The following WASL variants were observed in gnomAD, a reference collection of about 807,000 sequenced individuals.
WASL encodes the protein actin nucleation-promoting factor WASL.
Under a neutral mutation model 55.5 loss-of-function variants are expected in WASL, and 20 were observed. That is an observed-to-expected ratio of 0.36 (90% confidence interval 0.25 to 0.52). WASL has a LOEUF of 0.52. WASL is among the 20% of genes least tolerant of loss of function. The pLI, the probability that WASL is intolerant of heterozygous loss-of-function variation, is 0.92. For synonymous variants in WASL, 249 were observed against 217.6 expected, an observed-to-expected ratio of 1.14 and a Z score of -1.27; for missense variants, 504 against 622.5, an observed-to-expected ratio of 0.81 and a Z score of 2.03.
At chr7:123,684,812 T>C (rs989525976) in intron 10 of WASL, among the ~76,000 whole-genome samples, 1 of 152,026 alleles carries the variant, frequency 6.6e-6, no homozygotes, top group East Asian at 1.9e-4. Context: ...TTCCTTAATA[T>C]CTATGTGACA....
intron 7 of WASL, 53 bp from the exon 8 acceptor site, chr7:123,694,921 A>G (rs1803468283): frequency 6.4e-7 from 1 of 1,552,648 alleles, no homozygotes; most frequent in African/African-American, 1.4e-5. Flanking sequence ...TTTAAAAAAC[A>G]TAATTTTAAG....
intron 7 of WASL, among the ~76,000 whole-genome samples, chr7:123,695,291 T>A (rs1316622184): frequency 1.3e-5 from 2 of 152,150 alleles, no homozygotes; most frequent in Non-Finnish European, 2.9e-5. Context: ...GTTTGTTGAG[T>A]TAACATTGTA....
chr7:123,693,768 C>T (rs1464764037), intron 8 of WASL, among the ~76,000 whole-genome samples: 1 of 152,100 alleles, frequency 6.6e-6, no homozygotes, highest in African/African-American at 2.4e-5. Flanking sequence ...GAGTTTGAGA[C>T]CAACCTGGCT....
At chr7:123,735,043 C>G (rs1381509188) in intron 1 of WASL, among the ~76,000 whole-genome samples, 11 of 147,406 alleles carry the variant, frequency 7.5e-5, no homozygotes, top group Non-Finnish European at 1.6e-4. Flanking sequence ...TAAATATAAA[C>G]AAACAACCAA....
At position 123,709,180 on chromosome 7, in the gene WASL, T is replaced by C. The variant is rs1803718291; in HGVS notation, c.161A>G (p.Asn54Ser). ...AVVQLYAADR[N>S]CMWSKKCSGV... ...ACTGCACTTCTTTGACCACATACAG[T>C]TCCGATCTGCTGCATATAACTGCAC... is the stretch of plus-strand genomic sequence containing the variant. Residue 54 changes from asparagine to serine, a missense_variant, in exon 2 of 11, where the codon AAC (asparagine) becomes AGC (serine). By Grantham distance (46) the Asn-to-Ser change is conservative (BLOSUM62 1). Coordinates refer to ENST00000223023, the MANE Select transcript of WASL (RefSeq NM_003941.4). 6.2e-7 allele frequency: 1 copy of C among 1,612,434 alleles called. No homozygotes were observed. Among genetic ancestry groups the C allele is most frequent in the African/African-American group, 1.3e-5 (1 of 74,872 alleles).
intron 9 of WASL, among the ~76,000 whole-genome samples, chr7:123,689,473 T>C (rs1271710381): frequency 6.6e-6 from 1 of 152,206 alleles, no homozygotes; most frequent in Non-Finnish European, 1.5e-5. Flanking sequence ...CAGACTTAGA[T>C]GATCAACTTT....
chr7:123,704,398 T>C (rs1803635570), intron 5 of WASL, among the ~76,000 whole-genome samples: 1 of 152,148 alleles, frequency 6.6e-6, no homozygotes, highest in Non-Finnish European at 1.5e-5. Context: ...TAGAAAAATA[T>C]CAAAGAATAT....
At chr7:123,705,799 G>A (rs1191592440) in intron 4 of WASL, among the ~76,000 whole-genome samples, 1 of 152,108 alleles carries the variant, frequency 6.6e-6, no homozygotes, top group African/African-American at 2.4e-5. Flanking sequence ...AGAAAGACAA[G>A]GCAATGTTTA....
intron 1 of WASL, among the ~76,000 whole-genome samples, chr7:123,745,163 A>G (rs186960369): frequency 7.9e-5 from 12 of 152,200 alleles, no homozygotes; most frequent in Admixed American, 7.2e-4. Flanking sequence ...CCTTCTATAT[A>G]TAACTGGGAC....
chr7:123,724,844 G>T (rs1393587176), intron 1 of WASL, among the ~76,000 whole-genome samples: 1 of 152,108 alleles, frequency 6.6e-6, no homozygotes, highest in East Asian at 1.9e-4. Flanking sequence ...AAAAACCTCA[G>T]TTAATGCATC....
At chr7:123,686,708 T>C (rs541295863) in intron 10 of WASL, among the ~76,000 whole-genome samples, 12 of 152,248 alleles carry the variant, frequency 7.9e-5, no homozygotes, top group Non-Finnish European at 1.8e-4. Flanking sequence ...GACCTTTCTT[T>C]ATCTCTTCCT....
rs772104554 is a variant in WASL at position 123,735,943 on chromosome 7, AAAG to A, written c.117+12672_117+12674del. 6.6e-4 allele frequency among the ~76,000 whole-genome samples: 101 copies of A among 152,166 alleles called. 1 individual carries two copies. Among genetic ancestry groups the A allele is most frequent in the Non-Finnish European group, 3.5e-4 (24 of 68,022 alleles). ...AAACTTAGTTAAAACCCAGCAAGAT[AAAG>A]AATAAGAAAACTGCACAAAGGCACA... On this transcript the variant is annotated intron_variant, in intron 1 of 10. Coordinates refer to ENST00000223023, the MANE Select transcript of WASL (RefSeq NM_003941.4).
At chr7:123,725,012 C>G (rs917100794) in intron 1 of WASL, among the ~76,000 whole-genome samples, 1 of 152,062 alleles carries the variant, frequency 6.6e-6, no homozygotes, top group Non-Finnish European at 1.5e-5. Context: ...CAAAGCTTCC[C>G]CAATAGAAGG....
At chr7:123,717,904 GC>G (rs1803872068) in intron 1 of WASL, among the ~76,000 whole-genome samples, 1 of 152,088 alleles carries the variant, frequency 6.6e-6, no homozygotes, top group African/African-American at 2.4e-5. Flanking sequence ...TGCCTGCGCT[GC>G]AAAAAACTTT....
At chr7:123,699,582 T>C (rs1372326571) in intron 5 of WASL, among the ~76,000 whole-genome samples, 3 of 152,198 alleles carry the variant, frequency 2.0e-5, no homozygotes, top group African/African-American at 7.2e-5. Context: ...CACAGTTGGA[T>C]AAAGTTAAGT....
Position 123,696,675 on chromosome 7 carries a change from T to C in WASL, c.533A>G (p.Gln178Arg). The change falls in exon 6 of 11, where the codon CAA becomes CGA. Residue 178 changes from glutamine to arginine, a missense_variant. Coordinates refer to ENST00000223023, the MANE Select transcript of WASL (RefSeq NM_003941.4). ...TTTGGTATGGGAGATGTTGTTGACT[T>C]GTGGACCATAAAATCTATTTGTTGT... is the stretch of plus-strand genomic sequence containing the variant. Reference protein sequence around the residue: ...EITTNRFYGPQVNNISHTKEK... With the variant: ...EITTNRFYGPRVNNISHTKEK... 6.2e-7 allele frequency: 1 copy of C among 1,605,952 alleles called. No individual in the cohort carries two copies. The highest frequency in any genetic ancestry group is 8.5e-7 in the Non-Finnish European group (1 of 1,175,908).
intron 10 of WASL, among the ~76,000 whole-genome samples, chr7:123,687,216 T>C (rs1259444934): frequency 2.0e-5 from 3 of 152,148 alleles, no homozygotes; most frequent in African/African-American, 4.8e-5. Flanking sequence ...CCACTTCTCA[T>C]TGGTGCTATA....
At chr7:123,705,632 TG>T (rs1803656247) in intron 4 of WASL, among the ~76,000 whole-genome samples, 1 of 152,206 alleles carries the variant, frequency 6.6e-6, no homozygotes, top group African/African-American at 2.4e-5. Context: ...GAGAAACACC[TG>T]GTTCACTGTT....
intron 5 of WASL, among the ~76,000 whole-genome samples, chr7:123,703,467 T>C (rs1403737462): frequency 3.9e-5 from 6 of 152,184 alleles, no homozygotes; most frequent in Admixed American, 3.9e-4. Context: ...TTAAGCACTA[T>C]GCTAAGCTTT....
Sources: gnomAD v4.1 joint callset for allele counts (sites outside exome capture counted in the v4.1 genomes callset) on GRCh38, gnomAD v4.1.1 for gene constraint, MANE v1.5 for transcripts, NCBI Gene and HGNC (gene_info 2026-07-23, HGNC 2026-07-21) for gene names.